Variants in NBEAL1 observed in about 807,000 individuals in gnomAD.
NBEAL1 encodes the protein neurobeachin-like protein 1.
NBEAL1 carries 273 observed loss-of-function variants against 351.3 expected under a neutral mutation model. That is an observed-to-expected ratio of 0.78 (90% confidence interval 0.70 to 0.86). The LOEUF (loss-of-function observed/expected upper bound fraction) is 0.86. Ranked by LOEUF, NBEAL1 falls within the 40% of genes least tolerant of loss-of-function variation. NBEAL1 has a pLI of 0.00. For missense variants in NBEAL1, 2,961 were observed against 3,201.3 expected, an observed-to-expected ratio of 0.92 and a Z score of 1.81; for synonymous variants, 1,050 against 1,086.4, an observed-to-expected ratio of 0.97 and a Z score of 0.66.
chr2:203,175,120 T>C (rs1411340400), intron 41 of NBEAL1, 27 bp from the exon 42 acceptor site: 2 of 1,592,408 alleles, frequency 1.3e-6, no homozygotes, highest in Non-Finnish European at 1.7e-6. Flanking sequence ...ATTGTGGTTT[T>C]AAAACTTTAG....
rs190524141 is a variant in NBEAL1 at position 203,136,122 on chromosome 2, C to T, written c.4259C>T (p.Pro1420Leu). 4,106 of 1,614,102 alleles carry T rather than the reference C, an allele frequency of 2.5e-3. 11 individuals carry two copies. Among genetic ancestry groups the T allele is most frequent in the Non-Finnish European group, 3.1e-3 (3,647 of 1,179,996 alleles). The change falls in exon 28 of 56, where the codon CCA (proline) becomes CTA (leucine). Residue 1420 changes from proline (P) to leucine (L), a missense_variant. Coordinates refer to ENST00000683969, the MANE Select transcript of NBEAL1 (RefSeq NM_001378026.1). ...CEMSDSGSQV[P>L]DSLPSTPSPV... Reference sequence around the variant, plus strand: ...ATGAGTGATAGTGGAAGTCAAGTGCCAGACAGTCTGCCTAGCACACCATCC... The same window carrying T: ...ATGAGTGATAGTGGAAGTCAAGTGCTAGACAGTCTGCCTAGCACACCATCC...
chr2:203,114,349 A>G (rs2062641256), intron 17 of NBEAL1, among the ~76,000 whole-genome samples: 1 of 152,220 alleles, frequency 6.6e-6, no homozygotes, highest in Non-Finnish European at 1.5e-5. Flanking sequence ...TCTCTAGAAG[A>G]AATTATGTAA....
At chr2:203,136,294 G>A (rs2063206849) in intron 28 of NBEAL1, 42 bp downstream of exon 28, 1 of 1,314,282 alleles carries the variant, frequency 7.6e-7, no homozygotes, top group East Asian at 2.3e-5. Context: ...TTATTTTCAT[G>A]TCTGATATAT....
At chr2:203,119,424 C>CTTTTTTTTTTT (rs57126638) in intron 18 of NBEAL1, among the ~76,000 whole-genome samples, 3,649 of 66,614 alleles carry the variant, frequency 0.055, 1,044 homozygotes, top group Non-Finnish European at 0.076. Flanking sequence ...CGGCCTGTTG[C>CTTTTTTTTTTT]TTTTTTTTTT....
At chr2:203,110,548 C>T (rs1242710319) in intron 15 of NBEAL1, among the ~76,000 whole-genome samples, 1 of 151,442 alleles carries the variant, frequency 6.6e-6, no homozygotes, top group Non-Finnish European at 1.5e-5. Context: ...GTGATTTGTG[C>T]CTGTGGTCCC....
At chr2:203,151,979 C>G (rs1433664405) in intron 35 of NBEAL1, among the ~76,000 whole-genome samples, 1 of 150,956 alleles carries the variant, frequency 6.6e-6, no homozygotes, top group Non-Finnish European at 1.5e-5. Flanking sequence ...TTTTTTGAGA[C>G]AAAAGTCTCA....
chr2:203,174,606 T>C (rs2064434545), intron 41 of NBEAL1, among the ~76,000 whole-genome samples: 1 of 152,058 alleles, frequency 6.6e-6, no homozygotes, highest in Admixed American at 6.6e-5. Flanking sequence ...ACAAAAACTA[T>C]TCCAGGCTGG....
At position 203,183,391 on chromosome 2, in the gene NBEAL1, A is replaced by G. The variant is rs1443753838; in HGVS notation, c.6705+3A>G. On this transcript the variant is annotated splice_donor_region_variant and intron_variant, in intron 44 of 55. Transcript: ENST00000683969. ...TCTATAAACATAGGAAAGCTTTGGT[A>G]AGAGTTTTGCATTTAGTTATTTGAC... The G allele has an allele frequency of 1.3e-6, 2 of 1,499,070 alleles. No individual in the cohort carries two copies. The highest frequency in any genetic ancestry group is 1.8e-6 in the Non-Finnish European group (2 of 1,094,972). 92.9% of individuals were successfully genotyped at this position (1,499,070 alleles called of 1,614,324 possible).
chr2:203,188,692 ATTTTAAAAACATC>A (rs1344607014), intron 45 of NBEAL1, 103 bp downstream of exon 45: 4 of 640,782 alleles, frequency 6.2e-6, no homozygotes, highest in Non-Finnish European at 7.9e-6. Context: ...GAAAGACTAC[ATTTTAAAAACATC>A]TTTTTACTTG....
intron 31 of NBEAL1, among the ~76,000 whole-genome samples, chr2:203,140,468 T>C (rs1244347424): frequency 6.6e-6 from 1 of 152,144 alleles, no homozygotes; most frequent in Non-Finnish European, 1.5e-5. Context: ...GTTTTTTCTT[T>C]TTCTTACTAT....
At position 203,202,784 on chromosome 2, in the gene NBEAL1, A is replaced by G; in HGVS notation, c.7506+3A>G. 6.6e-7 allele frequency: 1 copy of G among 1,510,368 alleles called. No homozygotes were observed. Among genetic ancestry groups the G allele is most frequent in the Non-Finnish European group, 9.2e-7 (1 of 1,087,502 alleles). The allele number at this position is 1,510,368 out of a possible 1,614,324, so 93.6% of individuals were successfully genotyped here. A position where few individuals can be genotyped will look rare whatever the true frequency, so the allele number is the denominator to read the frequency against. On this transcript the variant is annotated splice_donor_region_variant and intron_variant, in intron 51 of 55. Coordinates refer to ENST00000683969, the MANE Select transcript of NBEAL1 (RefSeq NM_001378026.1). ...TGATATGGCAAATAACACAACAGGT[A>G]GTCACACATTTAAATGTTCTTGAAT...
At position 203,113,111 on chromosome 2, in the gene NBEAL1, C is replaced by T; in HGVS notation, c.2299C>T (p.Pro767Ser). ...TCCACCTTTCTCTTCTCCCATTACC[C>T]CTCATCGGACATCATTTGGTGGAAT... ...PDPPFSSPIT[P>S]HRTSFGGILS... The change falls in exon 17 of 56, where the codon CCT (proline) becomes TCT (serine). Residue 767 changes from proline to serine, a missense_variant. Transcript: ENST00000683969. 6.4e-7 allele frequency: 1 copy of T among 1,552,998 alleles called. No homozygotes were observed. Among genetic ancestry groups the T allele is most frequent in the Middle Eastern group, 1.7e-4 (1 of 6,000 alleles).
rs1044566103 is a variant in NBEAL1 at position 203,220,395 on chromosome 2, A to C, written c.*3041A>C. Reference sequence around the variant, plus strand: ...GCTACTCAGGAGGCTGAGGCAGGAGAATCGCTTGAACCCAGGAGGCAGAGG... The same window carrying C: ...GCTACTCAGGAGGCTGAGGCAGGAGCATCGCTTGAACCCAGGAGGCAGAGG... On this transcript the variant is annotated 3_prime_UTR_variant, in exon 56 of 56. Transcript: ENST00000683969. Among the ~76,000 whole-genome samples, 2 of 152,020 alleles carry C rather than the reference A, an allele frequency of 1.3e-5. No individual in the cohort carries two copies. The highest frequency in any genetic ancestry group is 4.8e-5 in the African/African-American group (2 of 41,382).
At chr2:203,186,861 G>T (rs749085031) in intron 44 of NBEAL1, among the ~76,000 whole-genome samples, 29 of 152,270 alleles carry the variant, frequency 1.9e-4, no homozygotes, top group Non-Finnish European at 3.4e-4. Context: ...GGCTGGATGG[G>T]TGGCTACTAT....
intron 35 of NBEAL1, among the ~76,000 whole-genome samples, chr2:203,154,365 C>A (rs2063743429): frequency 6.6e-6 from 1 of 151,918 alleles, no homozygotes; most frequent in African/African-American, 2.4e-5. Context: ...CTTTAAAGTT[C>A]TTTGAAGTAT....
chr2:203,109,227 C>T (rs1180806947), intron 14 of NBEAL1, among the ~76,000 whole-genome samples: 1 of 152,058 alleles, frequency 6.6e-6, no homozygotes, highest in Non-Finnish European at 1.5e-5. Flanking sequence ...CGTGGTGGCA[C>T]ATGCCTGTAA....
chr2:203,046,790 T>C lies in NBEAL1; in HGVS notation c.144-3024T>C, dbSNP rs568095488. Among the ~76,000 whole-genome samples, 279 of 152,262 alleles carry C rather than the reference T, an allele frequency of 1.8e-3. 3 individuals are homozygous for C. Among genetic ancestry groups the C allele is most frequent in the African/African-American group, 6.4e-3 (267 of 41,548 alleles). ...TGCCTCACCTCTTCATACTATTGCA[T>C]TGGGAGTTAGTTTACAACATATGAA... On this transcript the variant is annotated intron_variant, in intron 3 of 55. Transcript: ENST00000683969.
chr2:203,209,455 T>A lies in NBEAL1; in HGVS notation c.7785+133T>A, dbSNP rs555748296. The A allele has an allele frequency of 3.1e-5, 21 of 672,346 alleles. No individual in the cohort carries two copies. In the East Asian group the frequency reaches 5.0e-4, roughly 16 times the overall value. 41.6% of individuals were successfully genotyped at this position (672,346 alleles called of 1,614,324 possible). On this transcript the variant is annotated intron_variant, in intron 53 of 55. Transcript: ENST00000683969. ...ATGATGTTTTTCTTTCATCATTCAG[T>A]TGTTCGTTTCTTAACATTAGATGGC...
At position 203,113,216 on chromosome 2, in the gene NBEAL1, A is replaced by G; in HGVS notation, c.2404A>G (p.Ser802Gly). ...ATTGATATCAGCTGGAACCCAAGACAGTGAATGGGGGTGTCCCACATCTCT... is the reference window on the plus strand; with the variant it reads ...ATTGATATCAGCTGGAACCCAAGACGGTGAATGGGGGTGTCCCACATCTCT... ...TKLISAGTQD[S>G]EWGCPTSLEG... Residue 802 changes from serine to glycine, a missense_variant, in exon 17 of 56, where the codon AGT (serine) becomes GGT (glycine). Physicochemically the swap from Ser to Gly is moderately conservative, Grantham distance 56 (BLOSUM62 0). Transcript: ENST00000683969. The G allele has an allele frequency of 6.5e-7, 1 of 1,545,476 alleles. No homozygotes were observed.
Sources: allele counts gnomAD v4.1 joint callset (sites outside exome capture counted in the v4.1 genomes callset), GRCh38; gene constraint gnomAD v4.1.1; transcripts MANE v1.5; gene names NCBI Gene and HGNC (gene_info 2026-07-23, HGNC 2026-07-21).